Variants in KLHL6 observed in about 807,000 individuals in gnomAD.
KLHL6 encodes kelch like family member 6, also known as kelch-like protein 6.
A neutral mutation model predicts 58.6 loss-of-function variants in KLHL6; 41 were observed. That is an observed-to-expected ratio of 0.70 (90% CI 0.55 to 0.91). The LOEUF is 0.91. KLHL6 is among the 40% of genes least tolerant of loss of function. The pLI is 0.00. For missense variants in KLHL6, 714 were observed against 805.6 expected, an observed-to-expected ratio of 0.89 and a Z score of 1.38; for synonymous variants, 338 against 322.7, an observed-to-expected ratio of 1.05 and a Z score of -0.51.
chr3:183,535,776 C>T (rs180752651), intron 1 of KLHL6, among the ~76,000 whole-genome samples: 2 of 151,452 alleles, frequency 1.3e-5, no homozygotes, highest in Admixed American at 1.3e-4. Flanking sequence ...CTGCTAGCCA[C>T]GGCTTCCGAA....
chr3:183,511,660 G>C (rs372825461), intron 2 of KLHL6, among the ~76,000 whole-genome samples: 2 of 152,298 alleles, frequency 1.3e-5, no homozygotes, highest in East Asian at 3.9e-4. Context: ...ATTGAGACTG[G>C]AGAATGGCAA....
At position 183,527,802 on chromosome 3, in the gene KLHL6, C is replaced by G. The variant is rs540314631; in HGVS notation, c.459+43G>C. The G allele has an allele frequency of 1.4e-5, 22 of 1,602,288 alleles. No homozygotes were observed. The South Asian group carries it at 2.3e-4, about 17-fold the overall frequency. On this transcript the variant is annotated intron_variant, in intron 2 of 6. Coordinates refer to ENST00000341319, the MANE Select transcript of KLHL6 (RefSeq NM_130446.4). ...CTGGCCTCTGGAGAATTACTGCATT[C>G]ACCTGCTTCAGAGAAGAGCACTGAG... is the stretch of plus-strand genomic sequence containing the variant.
chr3:183,508,123 C>T lies in KLHL6; in HGVS notation c.845G>A (p.Arg282Lys). The change falls in exon 3 of 7, where the codon AGG (arginine) becomes AAG (lysine). Residue 282 changes from arginine to lysine, a missense_variant. By Grantham distance (26) the Arg-to-Lys change is conservative (BLOSUM62 2). Transcript: ENST00000341319. ...VETVEADPLIRQCPEVFPLLQ... is the reference protein window; with the variant it reads ...VETVEADPLIKQCPEVFPLLQ... Reference sequence around the variant, plus strand: ...CAGCGGGAAGACCTCTGGGCACTGCCTGATGAGAGGATCTGCTTCCACCGT... The same window carrying T: ...CAGCGGGAAGACCTCTGGGCACTGCTTGATGAGAGGATCTGCTTCCACCGT... 2 of 1,614,182 alleles carry T rather than the reference C, an allele frequency of 1.2e-6. No homozygotes were observed. The highest frequency in any genetic ancestry group is 2.2e-5 in the South Asian group (2 of 91,086).
At chr3:183,551,203 G>T (rs907411483) in intron 1 of KLHL6, among the ~76,000 whole-genome samples, 2 of 152,032 alleles carry the variant, frequency 1.3e-5, no homozygotes, top group African/African-American at 4.8e-5. Flanking sequence ...GGGTAAGATG[G>T]TAAACCAGGG....
At chr3:183,531,716 G>C (rs1712171722) in intron 1 of KLHL6, among the ~76,000 whole-genome samples, 1 of 152,054 alleles carries the variant, frequency 6.6e-6, no homozygotes, top group Non-Finnish European at 1.5e-5. Context: ...AAAGTGCTGG[G>C]ATTACAGGCG....
chr3:183,512,070 G>C (rs76634174), intron 2 of KLHL6, among the ~76,000 whole-genome samples: 1 of 152,350 alleles, frequency 6.6e-6, no homozygotes, highest in East Asian at 1.9e-4. Flanking sequence ...GTCGTTGGCA[G>C]ATTTTCAGTT....
Position 183,489,851 on chromosome 3 carries a change from T to G in KLHL6, c.*2076A>C, listed in dbSNP as rs1717494142. 6.6e-6 allele frequency: 1 copy of G among 152,242 alleles called. No homozygotes were observed. The highest frequency in any genetic ancestry group is 2.4e-5 in the African/African-American group (1 of 41,472). The allele number at this position is 152,242 out of a possible 1,614,324, so 9.4% of individuals were successfully genotyped here. A position where few individuals can be genotyped will look rare whatever the true frequency, so the allele number is the denominator to read the frequency against. On this transcript the variant is annotated 3_prime_UTR_variant, in exon 7 of 7. Coordinates refer to ENST00000341319, the MANE Select transcript of KLHL6 (RefSeq NM_130446.4). ...AGTTTTTAAAATCTGTTTCAAATAT[T>G]AGCTTCTTCTAACCGTGACTGTTTA...
intron 1 of KLHL6, among the ~76,000 whole-genome samples, chr3:183,553,551 T>C (rs1713007203): frequency 6.6e-6 from 1 of 152,228 alleles, no homozygotes; most frequent in South Asian, 2.1e-4. Flanking sequence ...TGAGAGGGGC[T>C]GCAGTCAACG....
intron 3 of KLHL6, among the ~76,000 whole-genome samples, chr3:183,505,891 G>A (rs866712953): frequency 2.0e-5 from 3 of 152,268 alleles, no homozygotes; most frequent in South Asian, 4.1e-4. Flanking sequence ...ATACATTATA[G>A]TTTAAAAACT....
At chr3:183,494,599 G>A (rs1717665387) in intron 4 of KLHL6, among the ~76,000 whole-genome samples, 1 of 152,242 alleles carries the variant, frequency 6.6e-6, no homozygotes, top group South Asian at 2.1e-4. Context: ...GCCTGGGTGG[G>A]TAGGGACCAG....
chr3:183,531,726 G>C (rs959794753), intron 1 of KLHL6, among the ~76,000 whole-genome samples: 1 of 152,144 alleles, frequency 6.6e-6, no homozygotes, highest in Non-Finnish European at 1.5e-5. Context: ...GATTACAGGC[G>C]TGAGCCACCG....
rs11355582 is a variant in KLHL6 at position 183,529,304 on chromosome 3, TA to T, written c.294-1295del. On this transcript the variant is annotated intron_variant, in intron 1 of 6. Transcript: ENST00000341319. ...TACCCCTGAACTTAAAATAAAAGTTTAAAAAAGAGAGATATAGAGATTTTTT... is the reference window on the plus strand; with the variant it reads ...TACCCCTGAACTTAAAATAAAAGTTTAAAAAGAGAGATATAGAGATTTTTT... Among the ~76,000 whole-genome samples the T allele has an allele frequency of 3.8e-3, 571 of 151,826 alleles. 2 individuals carry two copies. Among genetic ancestry groups the T allele is most frequent in the African/African-American group, 0.013 (526 of 41,430 alleles).
At chr3:183,554,779 A>G (rs1282681347) in intron 1 of KLHL6, among the ~76,000 whole-genome samples, 1 of 152,248 alleles carries the variant, frequency 6.6e-6, no homozygotes, top group East Asian at 1.9e-4. Flanking sequence ...CTTTGGAACA[A>G]GGAAATATAC....
chr3:183,533,896 T>TAAGA (rs1418459134), intron 1 of KLHL6, among the ~76,000 whole-genome samples: 1 of 151,472 alleles, frequency 6.6e-6, no homozygotes, highest in Non-Finnish European at 1.5e-5. Flanking sequence ...AATATGGTAA[T>TAAGA]AAGAAAGAAA....
intron 1 of KLHL6, among the ~76,000 whole-genome samples, chr3:183,530,427 G>T (rs1278130999): frequency 6.6e-6 from 1 of 152,186 alleles, no homozygotes. Flanking sequence ...CTGCTGTTTT[G>T]CAAGAGGTGG....
At position 183,508,377 on chromosome 3, in the gene KLHL6, G is replaced by A; in HGVS notation, c.591C>T (p.Ile197=). Residue 197 remains isoleucine, a synonymous_variant, in exon 3 of 7, where the codon ATC becomes ATT. Transcript: ENST00000341319. ...TCAGAATCTGCACAAAGTTTTGAAT[G>A]ATGTAACTCTGAACCTGCTTCTTTA... ...DSLKKQVQSY[I]IQNFVQILNS... The A allele has an allele frequency of 6.2e-7, 1 of 1,614,246 alleles. No individual in the cohort carries two copies. The highest frequency in any genetic ancestry group is 8.5e-7 in the Non-Finnish European group (1 of 1,180,042).
chr3:183,508,815 C>T (rs1364625143), intron 2 of KLHL6, among the ~76,000 whole-genome samples: 2 of 152,150 alleles, frequency 1.3e-5, no homozygotes, highest in Non-Finnish European at 2.9e-5. Flanking sequence ...ACGGGACTAG[C>T]TAAATACATA....
rs1164124611 is a variant in KLHL6 at position 183,487,682 on chromosome 3, G to A, written c.*4245C>T. The A allele has an allele frequency of 6.6e-6, 1 of 152,166 alleles. No individual in the cohort carries two copies. Among genetic ancestry groups the A allele is most frequent in the Non-Finnish European group, 1.5e-5 (1 of 68,026 alleles). 9.4% of individuals were successfully genotyped at this position (152,166 alleles called of 1,614,324 possible). On this transcript the variant is annotated 3_prime_UTR_variant, in exon 7 of 7. Coordinates refer to ENST00000341319, the MANE Select transcript of KLHL6 (RefSeq NM_130446.4). ...GTAACCAAAATGCTTAAAGGATTTTGTTCACTGAGTGTTGGCTATTTATAC... is the reference window on the plus strand; with the variant it reads ...GTAACCAAAATGCTTAAAGGATTTTATTCACTGAGTGTTGGCTATTTATAC...
At chr3:183,497,540 T>C (rs555552233) in intron 4 of KLHL6, among the ~76,000 whole-genome samples, 9 of 151,478 alleles carry the variant, frequency 5.9e-5, no homozygotes, top group African/African-American at 1.9e-4. Context: ...CCAGAGGGGG[T>C]GAGGGGAGGG....
Sources: gnomAD v4.1 joint callset for allele counts (sites outside exome capture counted in the v4.1 genomes callset) on GRCh38, gnomAD v4.1.1 for gene constraint, MANE v1.5 for transcripts, NCBI Gene and HGNC (gene_info 2026-07-23, HGNC 2026-07-21) for gene names.